NAALADL2: variants seen among roughly 807,000 people sequenced by gnomAD.
The protein encoded by NAALADL2 is inactive N-acetylated-alpha-linked acidic dipeptidase-like protein 2.
A neutral mutation model predicts 87.2 loss-of-function variants in NAALADL2; 76 were observed. That is an observed-to-expected ratio of 0.87 (90% CI 0.72 to 1.05). The LOEUF (loss-of-function observed/expected upper bound fraction) is 1.05, where lower values mean the gene tolerates loss of function less well. Ranked by LOEUF, NAALADL2 falls within the 50% of genes least tolerant of loss-of-function variation. The probability of loss-of-function intolerance (pLI) is 0.00; values close to 1 mark genes in which losing one functional copy is unlikely to be tolerated. For synonymous variants in NAALADL2, 354 were observed against 331.0 expected (o/e 1.07, Z -0.75); for missense variants, 1,089 against 945.8 (o/e 1.15, Z -1.99).
chr3:175,701,579 C>T lies in NAALADL2; in HGVS notation c.1897-35727C>T, dbSNP rs138559744. Among the ~76,000 whole-genome samples the T allele has an allele frequency of 4.5e-3, 684 of 152,144 alleles. 6 individuals carry two copies. The highest frequency in any genetic ancestry group is 0.016 in the African/African-American group (645 of 41,506). The stretch of plus-strand genomic sequence containing the variant: ...TGTGGGCACAGGAGTGAAAACTGCA[C>T]GCCAGTAGGCTAGTTGGCTATGATT... On this transcript the variant is annotated intron_variant, in intron 11 of 13. Transcript: ENST00000454872.
chr3:175,012,782 C>G (rs1448116682), intron 1 of NAALADL2, among the ~76,000 whole-genome samples: 2 of 151,692 alleles, frequency 1.3e-5, no homozygotes, highest in East Asian at 3.9e-4. Flanking sequence ...GTACCCAGCC[C>G]TTTACAGGAA....
chr3:175,413,264 G>A (rs1422896466), intron 5 of NAALADL2, among the ~76,000 whole-genome samples: 2 of 149,114 alleles, frequency 1.3e-5, no homozygotes, highest in East Asian at 2.0e-4. Flanking sequence ...GTGAAAGCCC[G>A]ACTCCATTAA....
intron 3 of NAALADL2, among the ~76,000 whole-genome samples, chr3:175,240,309 G>T (rs571945379): frequency 1.3e-5 from 2 of 152,164 alleles, no homozygotes; most frequent in African/African-American, 4.8e-5. Flanking sequence ...TGAAATCTGA[G>T]CACTGTATCA....
At chr3:174,757,213 C>T (rs1265751180) in intron 3 of NAALADL2, among the ~76,000 whole-genome samples, 1 of 152,080 alleles carries the variant, frequency 6.6e-6, no homozygotes, top group African/African-American at 2.4e-5. Flanking sequence ...TACTCATGTC[C>T]AGAGAAGGTA....
chr3:175,130,195 C>T (rs548905410), intron 2 of NAALADL2, among the ~76,000 whole-genome samples: 2 of 132,324 alleles, frequency 1.5e-5, no homozygotes, highest in South Asian at 5.1e-4. Context: ...TCCTTTATAA[C>T]TTTTGTATAT....
At chr3:175,663,142 T>C (rs1046831273) in intron 11 of NAALADL2, among the ~76,000 whole-genome samples, 4 of 151,610 alleles carry the variant, frequency 2.6e-5, no homozygotes. Flanking sequence ...CTCCTGGGCT[T>C]GCTTTTTTAT....
chr3:174,977,690 T>C (rs1281379811), intron 1 of NAALADL2, among the ~76,000 whole-genome samples: 1 of 152,144 alleles, frequency 6.6e-6, no homozygotes, highest in Non-Finnish European at 1.5e-5. Flanking sequence ...CCCCAGGGGA[T>C]CTAAGGAAGG....
At chr3:175,435,366 T>G (rs1003852969) in intron 5 of NAALADL2, among the ~76,000 whole-genome samples, 3 of 152,052 alleles carry the variant, frequency 2.0e-5, no homozygotes, top group Admixed American at 6.6e-5. Context: ...TGAAAATATA[T>G]TCTCATAATT....
At chr3:174,778,167 G>A (rs1715451343) in intron 3 of NAALADL2, among the ~76,000 whole-genome samples, 1 of 152,046 alleles carries the variant, frequency 6.6e-6, no homozygotes, top group African/African-American at 2.4e-5. Flanking sequence ...TGTCCTCAAT[G>A]CCAAAGTTTA....
chr3:175,499,337 A>T (rs998065212), intron 9 of NAALADL2, among the ~76,000 whole-genome samples: 4 of 152,162 alleles, frequency 2.6e-5, no homozygotes, highest in African/African-American at 9.6e-5. Context: ...TTTAAACTTT[A>T]CTTAGGAACT....
intron 5 of NAALADL2, among the ~76,000 whole-genome samples, chr3:175,386,074 A>G (rs1021269919): frequency 8.6e-5 from 13 of 152,022 alleles, no homozygotes; most frequent in Non-Finnish European, 1.6e-4. Context: ...TTCTTGGTTG[A>G]TGGGATTATC....
chr3:175,433,309 C>T (rs749752487), intron 5 of NAALADL2, among the ~76,000 whole-genome samples: 3 of 151,920 alleles, frequency 2.0e-5, no homozygotes, highest in Non-Finnish European at 2.9e-5. Flanking sequence ...GTAGCACTGG[C>T]GTAATATAAC....
At chr3:175,612,383 G>A (rs1306446149) in intron 10 of NAALADL2, among the ~76,000 whole-genome samples, 2 of 152,230 alleles carry the variant, frequency 1.3e-5, no homozygotes, top group East Asian at 3.9e-4. Flanking sequence ...TAGATAAGCT[G>A]TTGTTCCTGG....
At position 175,457,939 on chromosome 3, in the gene NAALADL2, A is replaced by G. The variant is rs116949759; in HGVS notation, c.1235-5462A>G. Among the ~76,000 whole-genome samples the G allele has an allele frequency of 5.5e-4, 84 of 152,176 alleles. 1 individual carries two copies. The East Asian group carries it at 0.016, about 28-fold the overall frequency. The stretch of plus-strand genomic sequence containing the variant: ...GCCAGTATTGAGTCATTACTTAATT[A>G]GGATTTATATTCATAATAGATTCAA... On this transcript the variant is annotated intron_variant, in intron 6 of 13. Transcript: ENST00000454872.
At chr3:174,714,812 T>C (rs987933432) in intron 2 of NAALADL2, among the ~76,000 whole-genome samples, 1 of 152,204 alleles carries the variant, frequency 6.6e-6, no homozygotes, top group Non-Finnish European at 1.5e-5. Flanking sequence ...CTGATTGCCC[T>C]GGCCAGAAAT....
At chr3:175,767,388 C>T (rs1018131956) in intron 13 of NAALADL2, among the ~76,000 whole-genome samples, 4 of 151,956 alleles carry the variant, frequency 2.6e-5, no homozygotes, top group African/African-American at 9.7e-5. Context: ...GCAACAAACC[C>T]TCAAATTACA....
At chr3:175,519,573 G>C (rs1732341033) in intron 9 of NAALADL2, among the ~76,000 whole-genome samples, 1 of 152,146 alleles carries the variant, frequency 6.6e-6, no homozygotes, top group Admixed American at 6.6e-5. Context: ...TATTTATTGA[G>C]TTAATAAATA....
intron 2 of NAALADL2, among the ~76,000 whole-genome samples, chr3:175,213,624 A>G (rs1742085256): frequency 6.6e-6 from 1 of 152,208 alleles, no homozygotes; most frequent in Admixed American, 6.6e-5. Context: ...TACAGAAGGC[A>G]GATGATGGTG....
At chr3:175,279,511 T>C (rs1487264781) in intron 4 of NAALADL2, among the ~76,000 whole-genome samples, 1 of 152,084 alleles carries the variant, frequency 6.6e-6, no homozygotes, top group East Asian at 1.9e-4. Flanking sequence ...AAATCTCCAT[T>C]TGGTCTAAAA....
Sources: gnomAD v4.1 joint callset for allele counts (sites outside exome capture counted in the v4.1 genomes callset) on GRCh38, gnomAD v4.1.1 for gene constraint, MANE v1.5 for transcripts, NCBI Gene and HGNC (gene_info 2026-07-23, HGNC 2026-07-21) for gene names.